Variants in CHST9 observed in about 807,000 individuals in gnomAD.
The protein encoded by CHST9 is carbohydrate sulfotransferase 9, also known as GalNAc-4-sulfotransferase 2.
In CHST9, 41 loss-of-function variants were observed where a neutral mutation model predicts 44.4. The ratio of observed to expected loss-of-function variants is 0.92; its 90% CI spans 0.72 to 1.20. The LOEUF (loss-of-function observed/expected upper bound fraction) is 1.20, where lower values mean the gene tolerates loss of function less well. Ranked by LOEUF, CHST9 falls within the 50% of genes most tolerant of loss-of-function variation. CHST9 has a pLI of 0.00. For missense variants in CHST9, 504 were observed against 516.5 expected, an observed-to-expected ratio of 0.98 and a Z score of 0.23; for synonymous variants, 171 against 178.4, an observed-to-expected ratio of 0.96 and a Z score of 0.33.
chr18:26,925,450 C>T (rs149296477), intron 5 of CHST9, among the ~76,000 whole-genome samples: 21 of 152,296 alleles, frequency 1.4e-4, no homozygotes, highest in African/African-American at 5.1e-4. Context: ...GCTGGTGTCT[C>T]AAATCTCTGT....
At chr18:27,085,122 T>C (rs916513953) in intron 2 of CHST9, among the ~76,000 whole-genome samples, 1 of 152,092 alleles carries the variant, frequency 6.6e-6, no homozygotes. Flanking sequence ...ATTCTGTTAT[T>C]GTTGGGTGGA....
intron 2 of CHST9, among the ~76,000 whole-genome samples, chr18:27,138,358 A>G (rs2058534504): frequency 6.6e-6 from 1 of 152,144 alleles, no homozygotes; most frequent in Non-Finnish European, 1.5e-5. Flanking sequence ...GCTTGTATGG[A>G]CACGAGATAC....
chr18:27,100,435 T>C (rs183813400), intron 2 of CHST9, among the ~76,000 whole-genome samples: 1 of 151,856 alleles, frequency 6.6e-6, no homozygotes, highest in East Asian at 1.9e-4. Flanking sequence ...AAAAGATAAA[T>C]AAGTGCTAGC....
At chr18:27,162,635 C>T (rs1411530100) in intron 1 of CHST9, among the ~76,000 whole-genome samples, 1 of 152,288 alleles carries the variant, frequency 6.6e-6, no homozygotes, top group East Asian at 1.9e-4. Flanking sequence ...CTCTGTATTT[C>T]CTGAAACTGA....
intron 1 of CHST9, among the ~76,000 whole-genome samples, chr18:27,174,802 C>G (rs183709733): frequency 6.6e-6 from 1 of 151,998 alleles, no homozygotes; most frequent in Non-Finnish European, 1.5e-5. Context: ...CCATTACATA[C>G]ATTATTACTC....
At chr18:26,948,904 G>A (rs2056203591) in intron 4 of CHST9, among the ~76,000 whole-genome samples, 1 of 152,154 alleles carries the variant, frequency 6.6e-6, no homozygotes, top group Non-Finnish European at 1.5e-5. Flanking sequence ...GAAGTTCTGA[G>A]CGGCTTATGT....
intron 4 of CHST9, among the ~76,000 whole-genome samples, chr18:27,013,219 T>A (rs1224467376): frequency 6.6e-6 from 1 of 152,230 alleles, no homozygotes. Flanking sequence ...CATGAACTTG[T>A]GTGGTGCATA....
chr18:26,996,962 T>C (rs2056894470), intron 4 of CHST9, among the ~76,000 whole-genome samples: 1 of 152,186 alleles, frequency 6.6e-6, no homozygotes, highest in Non-Finnish European at 1.5e-5. Context: ...CCCACAACTA[T>C]CAGAAAAATA....
At chr18:26,968,892 T>C (rs1348494323) in intron 4 of CHST9, among the ~76,000 whole-genome samples, 1 of 152,204 alleles carries the variant, frequency 6.6e-6, no homozygotes, top group Non-Finnish European at 1.5e-5. Context: ...GAAACATCTA[T>C]CTTTCTTCTA....
At chr18:27,007,842 A>C (rs1323524636) in intron 4 of CHST9, among the ~76,000 whole-genome samples, 6 of 152,258 alleles carry the variant, frequency 3.9e-5, no homozygotes, top group Admixed American at 3.9e-4. Context: ...GGGGACAGGA[A>C]AGGGTATAGA....
chr18:27,076,657 C>T (rs968530293), intron 2 of CHST9, among the ~76,000 whole-genome samples: 1 of 152,160 alleles, frequency 6.6e-6, no homozygotes, highest in South Asian at 2.1e-4. Context: ...ACAGCTTACA[C>T]GAGGGACTCC....
At chr18:27,163,080 C>A (rs1023490757) in intron 1 of CHST9, among the ~76,000 whole-genome samples, 17 of 152,288 alleles carry the variant, frequency 1.1e-4, no homozygotes, top group Admixed American at 3.3e-4. Flanking sequence ...AGGTCCACTC[C>A]AGACACTTGT....
At chr18:27,148,049 T>C (rs1252914533) in intron 1 of CHST9, among the ~76,000 whole-genome samples, 1 of 152,058 alleles carries the variant, frequency 6.6e-6, no homozygotes, top group Non-Finnish European at 1.5e-5. Flanking sequence ...CAGTGTCTGC[T>C]GTTCTCCTCT....
At chr18:27,107,504 G>A (rs1255120119) in intron 2 of CHST9, among the ~76,000 whole-genome samples, 9 of 152,108 alleles carry the variant, frequency 5.9e-5, no homozygotes, top group Admixed American at 5.9e-4. Context: ...ATGCTCTCTG[G>A]AATTATACAG....
intron 2 of CHST9, among the ~76,000 whole-genome samples, chr18:27,063,862 G>A (rs889174129): frequency 1.3e-5 from 2 of 151,932 alleles, no homozygotes; most frequent in African/African-American, 4.8e-5. Flanking sequence ...TTCAAATCTG[G>A]GTGAGGGTGG....
At chr18:27,168,145 G>T (rs930436216) in intron 1 of CHST9, among the ~76,000 whole-genome samples, 13 of 150,312 alleles carry the variant, frequency 8.6e-5, no homozygotes, top group African/African-American at 3.2e-4. Context: ...CATGATCTCG[G>T]CTCACTGCAA....
chr18:27,184,264 G>A (rs1040124809), intron 1 of CHST9, among the ~76,000 whole-genome samples: 5 of 152,114 alleles, frequency 3.3e-5, no homozygotes, highest in African/African-American at 1.2e-4. Flanking sequence ...GTGGGAGGGA[G>A]CTGGGGGTGG....
chr18:27,072,654 C>T (rs2057853780), intron 2 of CHST9, among the ~76,000 whole-genome samples: 1 of 152,118 alleles, frequency 6.6e-6, no homozygotes, highest in South Asian at 2.1e-4. Context: ...TCCAGAAAAT[C>T]AGGTCAGATC....
intron 1 of CHST9, among the ~76,000 whole-genome samples, chr18:27,158,627 G>C (rs2058717862): frequency 6.6e-6 from 1 of 152,016 alleles, no homozygotes. Flanking sequence ...CCCAGTAATG[G>C]GATGGCTGGG....
Sources: gnomAD v4.1 joint callset for allele counts (sites outside exome capture counted in the v4.1 genomes callset) on GRCh38, gnomAD v4.1.1 for gene constraint, MANE v1.5 for transcripts, NCBI Gene and HGNC (gene_info 2026-07-23, HGNC 2026-07-21) for gene names.